Variants in NPHP4 observed in about 807,000 individuals in gnomAD.
NPHP4 encodes nephrocystin-4.
In NPHP4, 151 loss-of-function variants were observed where a neutral mutation model predicts 155.8. The observed-to-expected ratio is 0.97, with a 90% confidence interval of 0.85 to 1.11. NPHP4 has a LOEUF of 1.11. Ranked by LOEUF, NPHP4 falls within the 50% of genes least tolerant of loss-of-function variation. The pLI is 0.00. For missense variants in NPHP4, 1,956 were observed against 1,925.7 expected (o/e 1.02, Z -0.29); for synonymous variants, 845 against 816.8 (o/e 1.03, Z -0.59).
intron 3 of NPHP4, among the ~76,000 whole-genome samples, chr1:5,974,934 C>G (rs1201930774): frequency 1.3e-5 from 2 of 152,168 alleles, no homozygotes; most frequent in African/African-American, 2.4e-5. Context: ...GCAGATCCCC[C>G]CAAACCAATG....
At chr1:5,971,203 T>C (rs1318337520) in intron 3 of NPHP4, among the ~76,000 whole-genome samples, 2 of 152,240 alleles carry the variant, frequency 1.3e-5, no homozygotes, top group Non-Finnish European at 2.9e-5. Flanking sequence ...TACAAGTTTA[T>C]GGCTATGCCT....
chr1:5,930,333 T>C (rs1386152850), intron 10 of NPHP4, among the ~76,000 whole-genome samples: 1 of 152,192 alleles, frequency 6.6e-6, no homozygotes, highest in Non-Finnish European at 1.5e-5. Flanking sequence ...GACTTCTGAA[T>C]AGCTTTGGGT....
At chr1:5,986,807 G>C (rs1472115788) in intron 1 of NPHP4, among the ~76,000 whole-genome samples, 2 of 152,140 alleles carry the variant, frequency 1.3e-5, no homozygotes, top group African/African-American at 2.4e-5. Flanking sequence ...CTCTGTGGCT[G>C]GTTCCGGATG....
At chr1:5,868,065 C>T in intron 23 of NPHP4, 169 bp from the exon 24 acceptor site, 1 of 779,860 alleles carries the variant, frequency 1.3e-6, no homozygotes, top group East Asian at 2.7e-5. Flanking sequence ...GAGTCTGCAG[C>T]AGCAGGTCTC....
At position 5,865,277 on chromosome 1, in the gene NPHP4, C is replaced by T; in HGVS notation, c.3645-4G>A. 6.5e-7 allele frequency: 1 copy of T among 1,545,446 alleles called. No individual in the cohort carries two copies. The highest frequency in any genetic ancestry group is 8.8e-7 in the Non-Finnish European group (1 of 1,138,228). On this transcript the variant is annotated splice_polypyrimidine_tract_variant and splice_region_variant and intron_variant, in intron 26 of 29. Transcript: ENST00000378156. ...GGGTGTCGCCAGCCAGCGATCCCTG[C>T]AGTGGGATGGGAGCCATCTGCACTT...
chr1:5,880,351 G>T, intron 18 of NPHP4, 112 bp from the exon 19 acceptor site: 2 of 1,041,248 alleles, frequency 1.9e-6, no homozygotes, highest in Non-Finnish European at 2.9e-6. Context: ...TCTACACCCT[G>T]ACACGCTAAG....
At position 5,874,534 on chromosome 1, in the gene NPHP4, G is replaced by C. The variant is rs376351293; in HGVS notation, c.3168C>G (p.His1056Gln). The C allele has an allele frequency of 6.3e-7, 1 of 1,595,556 alleles. No homozygotes were observed. The highest frequency in any genetic ancestry group is 1.3e-5 in the African/African-American group (1 of 74,444). ...ACTTGAAGGGGACGTGGGCGGTCTC[G>C]TGGGGGCGCAGGTAGAGCTGGGGGG... Reference protein sequence around the residue: ...SLAPQLYLRPHETAHVPFKFQ... With the variant: ...SLAPQLYLRPQETAHVPFKFQ... Residue 1056 changes from histidine (H) to glutamine (Q), a missense_variant, in exon 22 of 30, where the codon CAC becomes CAG. His to Gln is a conservative substitution (Grantham distance 24). Transcript: ENST00000378156.
At chr1:5,908,830 GTC>G in intron 12 of NPHP4, among the ~76,000 whole-genome samples, 1 of 152,314 alleles carries the variant, frequency 6.6e-6, no homozygotes, top group Non-Finnish European at 1.5e-5. Flanking sequence ...ACACCTCGAT[GTC>G]TCTCAGAAAA....
intron 3 of NPHP4, 116 bp from the exon 4 acceptor site, chr1:5,969,375 C>T (rs768515372): frequency 5.0e-5 from 29 of 578,374 alleles, no homozygotes; most frequent in Non-Finnish European, 8.5e-5. Flanking sequence ...ATCCGGAACC[C>T]TCTACCATGC....
chr1:5,977,707 G>A (rs1278252362), intron 3 of NPHP4, among the ~76,000 whole-genome samples: 5 of 149,950 alleles, frequency 3.3e-5, no homozygotes, highest in African/African-American at 1.2e-4. Flanking sequence ...GACCACCTGA[G>A]TGAAAACACG....
intron 11 of NPHP4, among the ~76,000 whole-genome samples, chr1:5,925,923 G>A (rs1645980837): frequency 6.6e-6 from 1 of 152,152 alleles, no homozygotes; most frequent in South Asian, 2.1e-4. Context: ...CCAGGAATGG[G>A]TTGTTTTAAA....
chr1:5,866,198 T>C (rs1250761034), intron 26 of NPHP4, 175 bp downstream of exon 26: 1 of 658,844 alleles, frequency 1.5e-6, no homozygotes, highest in Non-Finnish European at 2.8e-6. Flanking sequence ...GTGCCTTCCC[T>C]AGACCCCTGC....
chr1:5,887,227 ACT>A, intron 18 of NPHP4, 57 bp downstream of exon 18: 1 of 1,496,960 alleles, frequency 6.7e-7, no homozygotes, highest in Non-Finnish European at 9.1e-7. Flanking sequence ...GGGAGCCCAC[ACT>A]CTACCAGAGG....
intron 3 of NPHP4, among the ~76,000 whole-genome samples, chr1:5,970,265 G>A (rs768603393): frequency 6.6e-6 from 1 of 152,138 alleles, no homozygotes; most frequent in Non-Finnish European, 1.5e-5. Flanking sequence ...GCACTTTTGG[G>A]AGGTCAAGGC....
In NPHP4 at chr1:5,926,474, T is replaced by A. The variant is rs141147532; in HGVS notation, c.1441+1175A>T. ...GACTTGGGCTGAAAATATTTTTTTTTAAATGTGTCTGCACTGAACACGTAC... is the reference window on the plus strand; with the variant it reads ...GACTTGGGCTGAAAATATTTTTTTTAAAATGTGTCTGCACTGAACACGTAC... On this transcript the variant is annotated intron_variant, in intron 11 of 29. Transcript: ENST00000378156. Among the ~76,000 whole-genome samples the A allele has an allele frequency of 5.9e-3, 906 of 152,336 alleles. 14 individuals are homozygous for A. Among genetic ancestry groups the A allele is most frequent in the African/African-American group, 0.02 (842 of 41,584 alleles).
intron 23 of NPHP4, among the ~76,000 whole-genome samples, chr1:5,871,075 G>A (rs112047456): frequency 3.9e-5 from 6 of 152,296 alleles, no homozygotes; most frequent in African/African-American, 1.4e-4. Context: ...ATGGAGTAAA[G>A]GGCATTACCT....
At chr1:5,868,896 GC>G (rs542645392) in intron 23 of NPHP4, among the ~76,000 whole-genome samples, 113 of 117,866 alleles carry the variant, frequency 9.6e-4, no homozygotes, top group Non-Finnish European at 1.6e-3. Context: ...ACATATGCAC[GC>G]CCACATGCAT....
intron 5 of NPHP4, among the ~76,000 whole-genome samples, chr1:5,963,047 G>A (rs1650655827): frequency 6.6e-6 from 1 of 150,756 alleles, no homozygotes; most frequent in Admixed American, 6.7e-5. Context: ...CACAAGTTCA[G>A]CTCATTCATG....
At chr1:5,935,672 C>T (rs1344915530) in intron 9 of NPHP4, among the ~76,000 whole-genome samples, 1 of 152,132 alleles carries the variant, frequency 6.6e-6, no homozygotes, top group African/African-American at 2.4e-5. Flanking sequence ...GTCAGGAGTT[C>T]AAGACCACCC....
Sources: allele counts gnomAD v4.1 joint callset (sites outside exome capture counted in the v4.1 genomes callset), GRCh38; gene constraint gnomAD v4.1.1; transcripts MANE v1.5; gene names NCBI Gene and HGNC (gene_info 2026-07-23, HGNC 2026-07-21).